Variants in RPS6KC1 observed in about 807,000 individuals in gnomAD.
The protein encoded by RPS6KC1 is inactive ribosomal protein S6 kinase delta-1.
Under a neutral mutation model 103.8 loss-of-function variants are expected in RPS6KC1, and 54 were observed. The ratio of observed to expected loss-of-function variants is 0.52; its 90% CI spans 0.42 to 0.65. The LOEUF (loss-of-function observed/expected upper bound fraction) is 0.65. Ranked by LOEUF, RPS6KC1 falls within the 30% of genes least tolerant of loss-of-function variation. The pLI is 0.00. For synonymous variants in RPS6KC1, 439 were observed against 438.7 expected, an observed-to-expected ratio of 1.00 and a Z score of -0.01; for missense variants, 1,151 against 1,253.8, an observed-to-expected ratio of 0.92 and a Z score of 1.24.
chr1:213,562,483 G>A, the RPS6KC1 span, among the ~76,000 whole-genome samples: 129 of 139,046 alleles, frequency 9.3e-4, no homozygotes, highest in African/African-American at 3.3e-3. Flanking sequence ...TCCGCCTCCC[G>A]GGTTCACGCC....
the RPS6KC1 span, among the ~76,000 whole-genome samples, chr1:213,480,428 A>G: frequency 6.6e-6 from 1 of 152,052 alleles, no homozygotes; most frequent in African/African-American, 2.4e-5. Flanking sequence ...CCAATTGGTT[A>G]TCACTTGTGG....
chr1:213,232,731 C>G (rs542468927), intron 10 of RPS6KC1, among the ~76,000 whole-genome samples: 2 of 152,288 alleles, frequency 1.3e-5, no homozygotes, highest in Admixed American at 1.3e-4. Flanking sequence ...TTTATGAATA[C>G]AGCCATTGGC....
the RPS6KC1 span, among the ~76,000 whole-genome samples, chr1:213,633,874 CAAAAAAAAAAAAAAAAAAAAAAA>C: frequency 9.7e-4 from 8 of 8,268 alleles, no homozygotes; most frequent in South Asian, 6.1e-3. Flanking sequence ...AAATGGAAAG[CAAAAAAAAAAAAAAAAAAAAAAA>C]AAAAAAAAAA....
At chr1:213,509,195 G>A in the RPS6KC1 span, among the ~76,000 whole-genome samples, 1 of 152,136 alleles carries the variant, frequency 6.6e-6, no homozygotes, top group Non-Finnish European at 1.5e-5. Context: ...CAGTACATAC[G>A]ATCACCCTAA....
the RPS6KC1 span, among the ~76,000 whole-genome samples, chr1:213,631,595 A>C: frequency 6.6e-6 from 1 of 152,116 alleles, no homozygotes; most frequent in African/African-American, 2.4e-5. Context: ...TCACTGGGCC[A>C]TTAAGTATAT....
At chr1:213,670,921 C>A in the RPS6KC1 span, among the ~76,000 whole-genome samples, 3 of 152,296 alleles carry the variant, frequency 2.0e-5, no homozygotes, top group East Asian at 3.9e-4. Flanking sequence ...GGCTTCAGAT[C>A]TTCTGTTTTA....
At chr1:213,350,043 G>A in the RPS6KC1 span, among the ~76,000 whole-genome samples, 16 of 152,234 alleles carry the variant, frequency 1.1e-4, no homozygotes. Flanking sequence ...TGGAAACTAA[G>A]CAACTTGGGA....
At chr1:213,177,666 T>C (rs912570338) in intron 8 of RPS6KC1, among the ~76,000 whole-genome samples, 45 of 152,218 alleles carry the variant, frequency 3.0e-4, no homozygotes, top group Non-Finnish European at 3.4e-4. Context: ...AACCGTGTTT[T>C]CTGTGGCTTT....
At chr1:213,066,536 T>G (rs2078346488) in intron 1 of RPS6KC1, among the ~76,000 whole-genome samples, 1 of 152,244 alleles carries the variant, frequency 6.6e-6, no homozygotes, top group South Asian at 2.1e-4. Context: ...ATAATAATCA[T>G]GAGTTACTGT....
the RPS6KC1 span, among the ~76,000 whole-genome samples, chr1:213,575,228 A>G: frequency 1.3e-5 from 2 of 152,318 alleles, no homozygotes; most frequent in African/African-American, 2.4e-5. Context: ...TATGAAGCAC[A>G]TTGATGTGTG....
chr1:213,582,769 A>T, the RPS6KC1 span, among the ~76,000 whole-genome samples: 1 of 152,258 alleles, frequency 6.6e-6, no homozygotes, highest in African/African-American at 2.4e-5. Flanking sequence ...TTACTGAGTT[A>T]TAATTTATTT....
chr1:213,522,948 A>G, the RPS6KC1 span, among the ~76,000 whole-genome samples: 3 of 152,224 alleles, frequency 2.0e-5, no homozygotes, highest in Non-Finnish European at 4.4e-5. Flanking sequence ...CTTTTCATTC[A>G]CAACTGGGGT....
At chr1:213,084,275 T>C (rs1406474003) in intron 3 of RPS6KC1, among the ~76,000 whole-genome samples, 1 of 152,132 alleles carries the variant, frequency 6.6e-6, no homozygotes, top group Non-Finnish European at 1.5e-5. Context: ...TTTCTTTCTT[T>C]TCTAACTTTT....
chr1:213,598,425 C>G, the RPS6KC1 span, among the ~76,000 whole-genome samples: 1 of 152,156 alleles, frequency 6.6e-6, no homozygotes, highest in Non-Finnish European at 1.5e-5. Context: ...CCCAGCTCTG[C>G]TTATCTATGT....
At chr1:213,408,961 T>C in the RPS6KC1 span, among the ~76,000 whole-genome samples, 1 of 152,152 alleles carries the variant, frequency 6.6e-6, no homozygotes, top group Non-Finnish European at 1.5e-5. Flanking sequence ...TATCCCCTCA[T>C]AGCACTGGTA....
chr1:213,634,928 G>A, the RPS6KC1 span, among the ~76,000 whole-genome samples: 1 of 151,938 alleles, frequency 6.6e-6, no homozygotes, highest in Non-Finnish European at 1.5e-5. Flanking sequence ...CAATAAAAAT[G>A]ATAAAGGGGA....
At chr1:213,862,595 T>C in the RPS6KC1 span, among the ~76,000 whole-genome samples, 1 of 152,232 alleles carries the variant, frequency 6.6e-6, no homozygotes, top group East Asian at 1.9e-4. Context: ...TGAGGAGTAC[T>C]CAGTCCACTC....
the RPS6KC1 span, among the ~76,000 whole-genome samples, chr1:213,337,651 A>G: frequency 2.6e-5 from 4 of 152,152 alleles, no homozygotes; most frequent in Non-Finnish European, 5.9e-5. Flanking sequence ...TGTTGATGCT[A>G]TTCTTGGTGA....
the RPS6KC1 span, among the ~76,000 whole-genome samples, chr1:213,854,795 C>G: frequency 9.2e-5 from 14 of 152,182 alleles, no homozygotes; most frequent in African/African-American, 3.4e-4. Context: ...CAAGCAGCCT[C>G]TGGTTAGAGT....
Sources: gnomAD v4.1 joint callset for allele counts (sites outside exome capture counted in the v4.1 genomes callset) on GRCh38, gnomAD v4.1.1 for gene constraint, MANE v1.5 for transcripts, NCBI Gene and HGNC (gene_info 2026-07-23, HGNC 2026-07-21) for gene names.